Variants in WDPCP observed in about 807,000 individuals in gnomAD.
The protein encoded by WDPCP is WD repeat-containing and planar cell polarity effector protein fritz homolog.
WDPCP carries 71 observed loss-of-function variants against 93.1 expected under a neutral mutation model. The ratio of observed to expected loss-of-function variants is 0.76; its 90% CI spans 0.63 to 0.93. The LOEUF (loss-of-function observed/expected upper bound fraction) is 0.93, where lower values mean the gene tolerates loss of function less well. Ranked by LOEUF, WDPCP falls within the 40% of genes least tolerant of loss-of-function variation. The probability of loss-of-function intolerance (pLI) is 0.00; values close to 1 mark genes in which losing one functional copy is unlikely to be tolerated. For synonymous variants in WDPCP, 315 were observed against 315.0 expected (o/e 1.00, Z 0.00); for missense variants, 844 against 887.4 (o/e 0.95, Z 0.62).
In WDPCP at chr2:63,613,549, G is replaced by C. The variant is rs1709641082; in HGVS notation, n.488+37110C>G. Among the ~76,000 whole-genome samples, 3 of 152,186 alleles carry C rather than the reference G, an allele frequency of 2.0e-5. No individual in the cohort carries two copies. In the South Asian group the frequency reaches 6.2e-4, roughly 32 times the overall value. ...AGCAAAGCAGGCTGTAGCAGTACAG[G>C]CACAGTCCTCCAAAAAGAACCCCAG... On this transcript the variant is annotated intron_variant and non_coding_transcript_variant, in intron 3 of 4. Coordinates refer to the WDPCP transcript ENST00000467687.
chr2:63,415,637 C>T (rs1216933960), intron 9 of WDPCP, among the ~76,000 whole-genome samples: 1 of 152,264 alleles, frequency 6.6e-6, no homozygotes, highest in South Asian at 2.1e-4. Context: ...AAACTAAGAT[C>T]TCTGCAAGAC....
intron 9 of WDPCP, among the ~76,000 whole-genome samples, chr2:63,426,382 TA>T (rs1696298072): frequency 6.6e-6 from 1 of 151,956 alleles, no homozygotes; most frequent in Admixed American, 6.6e-5. Context: ...AGAAATAGGT[TA>T]GGGGCCTATT....
At chr2:63,348,507 A>G (rs72898337) in intron 12 of WDPCP, among the ~76,000 whole-genome samples, 1 of 152,156 alleles carries the variant, frequency 6.6e-6, no homozygotes, top group African/African-American at 2.4e-5. Flanking sequence ...TTCTAAAGAC[A>G]TTATTTCTAA....
intron 6 of WDPCP, among the ~76,000 whole-genome samples, chr2:63,472,378 T>C (rs1368279831): frequency 6.6e-6 from 1 of 151,976 alleles, no homozygotes; most frequent in Non-Finnish European, 1.5e-5. Flanking sequence ...TTCTGTTTTC[T>C]ATTATTAGTT....
At chr2:63,669,778 C>G (rs1710323811) in intron 2 of WDPCP, among the ~76,000 whole-genome samples, 1 of 152,182 alleles carries the variant, frequency 6.6e-6, no homozygotes, top group Admixed American at 6.5e-5. Flanking sequence ...TTGGTCAGGG[C>G]TCCTGCACTG....
At chr2:63,834,869 C>T in the WDPCP span, among the ~76,000 whole-genome samples, 2 of 152,164 alleles carry the variant, frequency 1.3e-5, no homozygotes, top group African/African-American at 4.8e-5. Flanking sequence ...GGATATTTTT[C>T]GTTAGCAGCT....
chr2:63,726,616 G>C (rs559680868), intron 2 of WDPCP, among the ~76,000 whole-genome samples: 10 of 152,180 alleles, frequency 6.6e-5, no homozygotes, highest in Non-Finnish European at 1.5e-4. Flanking sequence ...CATTGCATCT[G>C]TAAAGTGCTT....
At chr2:63,174,171 TTAAA>T (rs1409524158) in intron 15 of WDPCP, among the ~76,000 whole-genome samples, 1 of 152,160 alleles carries the variant, frequency 6.6e-6, no homozygotes, top group African/African-American at 2.4e-5. Context: ...AATTATCACT[TTAAA>T]TAACATTATT....
intron 1 of WDPCP, among the ~76,000 whole-genome samples, chr2:63,575,425 ACAG>A (rs1707917002): frequency 1.9e-5 from 2 of 103,156 alleles, no homozygotes; most frequent in African/African-American, 1.1e-4. Context: ...TACACTGTAT[ACAG>A]TGTATATACA....
chr2:63,183,063 A>G (rs554479791), intron 14 of WDPCP, among the ~76,000 whole-genome samples: 12 of 151,242 alleles, frequency 7.9e-5, no homozygotes, highest in Non-Finnish European at 1.8e-4. Flanking sequence ...CAGTTTGTCA[A>G]CTTTATTTTA....
intron 3 of WDPCP, among the ~76,000 whole-genome samples, chr2:63,603,601 C>A (rs978106561): frequency 2.7e-5 from 4 of 150,752 alleles, no homozygotes; most frequent in Non-Finnish European, 4.4e-5. Context: ...TGCACATAAA[C>A]TTATCAGACA....
At chr2:63,621,705 C>A (rs1288741668) in intron 3 of WDPCP, among the ~76,000 whole-genome samples, 1 of 152,002 alleles carries the variant, frequency 6.6e-6, no homozygotes, top group Non-Finnish European at 1.5e-5. Context: ...AAAGGAGCAA[C>A]CCCAAGACAC....
At chr2:63,627,453 C>G (rs1709821779) in intron 3 of WDPCP, among the ~76,000 whole-genome samples, 1 of 152,190 alleles carries the variant, frequency 6.6e-6, no homozygotes, top group Non-Finnish European at 1.5e-5. Context: ...GCTCCACTTT[C>G]AAGCCTGGAA....
intron 12 of WDPCP, among the ~76,000 whole-genome samples, chr2:63,329,303 G>T (rs772334355): frequency 6.6e-6 from 1 of 151,930 alleles, no homozygotes; most frequent in Non-Finnish European, 1.5e-5. Flanking sequence ...GCTGTTCCTG[G>T]CTTATTTTAC....
At chr2:63,236,648 C>T (rs1225633993) in intron 14 of WDPCP, among the ~76,000 whole-genome samples, 1 of 152,056 alleles carries the variant, frequency 6.6e-6, no homozygotes, top group Non-Finnish European at 1.5e-5. Context: ...TAGAGTGGAA[C>T]AGAATAGAGA....
At chr2:63,524,311 A>G (rs908805279) in intron 1 of WDPCP, among the ~76,000 whole-genome samples, 1 of 152,218 alleles carries the variant, frequency 6.6e-6, no homozygotes, top group African/African-American at 2.4e-5. Flanking sequence ...ATCTAAGCAA[A>G]AAGAACAAAG....
intron 1 of WDPCP, among the ~76,000 whole-genome samples, chr2:63,496,064 A>T (rs1701205269): frequency 1.3e-5 from 2 of 152,236 alleles, no homozygotes; most frequent in African/African-American, 4.8e-5. Context: ...CTAGAAAAAT[A>T]AAAATCATAT....
chr2:63,740,600 T>C (rs1575762274), intron 2 of WDPCP, among the ~76,000 whole-genome samples: 1 of 152,178 alleles, frequency 6.6e-6, no homozygotes, highest in African/African-American at 2.4e-5. Context: ...ACAAAGTATA[T>C]TATGAATGGG....
chr2:63,471,995 G>A (rs1009506171), intron 6 of WDPCP, among the ~76,000 whole-genome samples: 6 of 151,834 alleles, frequency 4.0e-5, no homozygotes, highest in Non-Finnish European at 8.8e-5. Context: ...CAATGTGCAG[G>A]TTACATATGT....
Sources: gnomAD v4.1 joint callset for allele counts (sites outside exome capture counted in the v4.1 genomes callset) on GRCh38, gnomAD v4.1.1 for gene constraint, MANE v1.5 for transcripts, NCBI Gene and HGNC (gene_info 2026-07-23, HGNC 2026-07-21) for gene names.